The following GAK variants were observed in gnomAD, a reference collection of about 807,000 sequenced individuals.
GAK encodes the protein cyclin G associated kinase, also known as cyclin-G-associated kinase.
GAK carries 79 observed loss-of-function variants against 143.9 expected under a neutral mutation model. That is an observed-to-expected ratio of 0.55 (90% CI 0.46 to 0.66). The LOEUF (loss-of-function observed/expected upper bound fraction) is 0.66, where lower values mean the gene tolerates loss of function less well. GAK is among the 30% of genes least tolerant of loss of function. The pLI is 0.00. For synonymous variants in GAK, 881 were observed against 765.5 expected (o/e 1.15, Z -2.49); for missense variants, 1,693 against 1,779.7 (o/e 0.95, Z 0.88).
intron 4 of GAK, among the ~76,000 whole-genome samples, chr4:907,491 G>A (rs1021580462): frequency 1.3e-5 from 2 of 152,252 alleles, no homozygotes. Context: ...TGCCCTCTAC[G>A]CTGGCCATCA....
chr4:865,459 C>T (rs763926324), intron 22 of GAK, among the ~76,000 whole-genome samples: 2 of 149,582 alleles, frequency 1.3e-5, no homozygotes, highest in South Asian at 2.2e-4. Flanking sequence ...CACCAGCAGG[C>T]GGAGCAGCTC....
chr4:886,550 C>G (rs890955642), intron 11 of GAK: 1 of 152,326 alleles, frequency 6.6e-6, no homozygotes, highest in African/African-American at 2.4e-5. Flanking sequence ...GCCATGGAGA[C>G]CATTTTCACT....
At chr4:930,326 G>A (rs1725450416) in intron 1 of GAK, among the ~76,000 whole-genome samples, 2 of 152,044 alleles carry the variant, frequency 1.3e-5, no homozygotes, top group Admixed American at 6.6e-5. Flanking sequence ...TTTATCTCCT[G>A]ACTTGCCTAG....
At chr4:907,740 G>C (rs918747016) in intron 4 of GAK, among the ~76,000 whole-genome samples, 2 of 152,212 alleles carry the variant, frequency 1.3e-5, no homozygotes, top group African/African-American at 4.8e-5. Context: ...CTGCACGGGG[G>C]AGCCCACATC....
At chr4:919,411 G>A (rs1220904422) in intron 1 of GAK, among the ~76,000 whole-genome samples, 3 of 152,244 alleles carry the variant, frequency 2.0e-5, no homozygotes, top group South Asian at 4.1e-4. Context: ...CTTCAGTGCC[G>A]CATGACCTTA....
At chr4:853,979 G>A (rs1451202616) in intron 24 of GAK, among the ~76,000 whole-genome samples, 1 of 152,032 alleles carries the variant, frequency 6.6e-6, no homozygotes, top group African/African-American at 2.4e-5. Context: ...TGTATTTTTA[G>A]TAGAGACAGG....
intron 17 of GAK, 148 bp from the exon 18 acceptor site, chr4:876,757 A>G: frequency 1.4e-6 from 1 of 697,872 alleles, no homozygotes. Flanking sequence ...GTTGTGGGGG[A>G]AGCGGGAGAG....
At chr4:894,419 C>T (rs1718361944) in intron 7 of GAK, 1 of 175,622 alleles carries the variant, frequency 5.7e-6, no homozygotes, top group African/African-American at 2.4e-5. Flanking sequence ...GGGGTGACTC[C>T]CAGGTCTGAG....
chr4:924,834 CG>C (rs397768915), intron 1 of GAK, among the ~76,000 whole-genome samples: 2 of 150,214 alleles, frequency 1.3e-5, no homozygotes, highest in East Asian at 2.0e-4. Context: ...GGAGTTCCCC[CG>C]GGGGGCTGCT....
Position 909,174 on chromosome 4 carries a change from A to T in GAK, c.382+2499T>A, listed in dbSNP as rs530340871. 3.3e-5 allele frequency among the ~76,000 whole-genome samples: 5 copies of T among 152,344 alleles called. No individual in the cohort carries two copies. The South Asian group carries it at 8.3e-4, about 25-fold the overall frequency. On this transcript the variant is annotated intron_variant, in intron 4 of 27. Coordinates refer to ENST00000314167, the MANE Select transcript of GAK (RefSeq NM_005255.4). ...ACTCTGTGTTATTTGTATTTTGTCA[A>T]TCAGCATGTATTCTTTTATAATGAA...
intron 12 of GAK, among the ~76,000 whole-genome samples, chr4:883,741 T>C (rs1715649732): frequency 6.6e-6 from 1 of 152,376 alleles, no homozygotes; most frequent in South Asian, 2.1e-4. Flanking sequence ...GATGAGTGAC[T>C]GGGATGCCTG....
At chr4:870,156 C>T (rs937435857) in intron 19 of GAK, among the ~76,000 whole-genome samples, 3 of 152,220 alleles carry the variant, frequency 2.0e-5, no homozygotes, top group African/African-American at 7.2e-5. Context: ...GTCACACATA[C>T]AGCCTCTTTC....
At chr4:898,289 G>A (rs1273905249) in intron 5 of GAK, 131 bp from the exon 6 acceptor site, 3 of 993,978 alleles carry the variant, frequency 3.0e-6, no homozygotes, top group Non-Finnish European at 4.4e-6. Flanking sequence ...CGGCTGCCGG[G>A]TGCCTGCAGC....
intron 3 of GAK, 149 bp from the exon 4 acceptor site, chr4:911,936 A>G (rs1722116894): frequency 3.3e-6 from 2 of 615,072 alleles, no homozygotes; most frequent in Admixed American, 4.7e-5. Flanking sequence ...AAGATGAGGG[A>G]GAGAGCAGTG....
intron 24 of GAK, chr4:859,138 G>A (rs1019484806): frequency 2.0e-6 from 2 of 981,544 alleles, no homozygotes; most frequent in African/African-American, 3.5e-5. Context: ...CCGGGGCCGG[G>A]CCTGAGGCAG....
chr4:870,197 G>A (rs917354392), intron 19 of GAK, among the ~76,000 whole-genome samples: 10 of 152,206 alleles, frequency 6.6e-5, no homozygotes, highest in African/African-American at 2.4e-4. Flanking sequence ...GAAAGAAAAA[G>A]CAAACACTGC....
At chr4:926,756 TG>T (rs1450368153) in intron 1 of GAK, among the ~76,000 whole-genome samples, 1 of 152,078 alleles carries the variant, frequency 6.6e-6, no homozygotes, top group Non-Finnish European at 1.5e-5. Flanking sequence ...TGGCAGAATC[TG>T]GGCCTCACAG....
intron 14 of GAK, 36 bp downstream of exon 14, chr4:882,661 C>T: frequency 6.2e-7 from 1 of 1,603,320 alleles, no homozygotes. Context: ...TGAACTTTGA[C>T]AGAAGACGGC....
intron 7 of GAK, among the ~76,000 whole-genome samples, chr4:895,108 G>A (rs1306796462): frequency 2.6e-5 from 4 of 152,194 alleles, no homozygotes; most frequent in African/African-American, 9.7e-5. Context: ...TGTGCTATGC[G>A]AGGGGCAAGG....
Sources: gnomAD v4.1 joint callset for allele counts (sites outside exome capture counted in the v4.1 genomes callset) on GRCh38, gnomAD v4.1.1 for gene constraint, MANE v1.5 for transcripts, NCBI Gene and HGNC (gene_info 2026-07-23, HGNC 2026-07-21) for gene names.